The following CYP4F3 variants were observed in gnomAD, a reference collection of about 807,000 sequenced individuals.
The protein encoded by CYP4F3 is cytochrome P450 4F3.
A neutral mutation model predicts 54.8 loss-of-function variants in CYP4F3; 50 were observed. The observed-to-expected ratio is 0.91, with a 90% CI of 0.73 to 1.16. The LOEUF is 1.16. Ranked by LOEUF, CYP4F3 falls within the 50% of genes most tolerant of loss-of-function variation. The probability of loss-of-function intolerance (pLI) is 0.00; values close to 1 mark genes in which losing one functional copy is unlikely to be tolerated. For synonymous variants in CYP4F3, 244 were observed against 262.6 expected (o/e 0.93, Z 0.69); for missense variants, 715 against 676.2 (o/e 1.06, Z -0.64).
chr19:15,650,546 A>G (rs1370951822), intron 7 of CYP4F3, among the ~76,000 whole-genome samples: 1 of 151,976 alleles, frequency 6.6e-6, no homozygotes, highest in Admixed American at 6.5e-5. Flanking sequence ...GACTATGACT[A>G]TGTCTATGTC....
chr19:15,656,589 A>G (rs113820184), intron 9 of CYP4F3, among the ~76,000 whole-genome samples: 16 of 141,990 alleles, frequency 1.1e-4, no homozygotes, highest in African/African-American at 3.9e-4. Context: ...TCTATCATCT[A>G]TCTCTATTAT....
At chr19:15,644,156 T>C in intron 2 of CYP4F3, 2 of 1,316,060 alleles carry the variant, frequency 1.5e-6, no homozygotes, top group Non-Finnish European at 2.0e-6. Context: ...TGGTCTCTCC[T>C]TTCCTTCTCT....
chr19:15,654,530 C>T (rs1192723115), intron 9 of CYP4F3, among the ~76,000 whole-genome samples: 1 of 151,972 alleles, frequency 6.6e-6, no homozygotes, highest in African/African-American at 2.4e-5. Context: ...CTTATCCTTC[C>T]CTCCCCTCTG....
chr19:15,646,829 C>T (rs755441781), intron 3 of CYP4F3, among the ~76,000 whole-genome samples: 3 of 152,132 alleles, frequency 2.0e-5, no homozygotes, highest in Non-Finnish European at 2.9e-5. Context: ...ATAGCTCCTA[C>T]GTGCCATGTT....
chr19:15,642,254 A>G (rs1310770006), intron 2 of CYP4F3, among the ~76,000 whole-genome samples: 2 of 152,136 alleles, frequency 1.3e-5, no homozygotes, highest in Non-Finnish European at 2.9e-5. Flanking sequence ...GCTCATTGCA[A>G]ATGGCAGGAT....
At chr19:15,653,213 A>G (rs1972912195) in intron 9 of CYP4F3, among the ~76,000 whole-genome samples, 1 of 152,202 alleles carries the variant, frequency 6.6e-6, no homozygotes. Flanking sequence ...GCATGTGTTC[A>G]GCAAATGAAC....
intron 9 of CYP4F3, among the ~76,000 whole-genome samples, chr19:15,655,881 A>G (rs1035622924): frequency 1.3e-5 from 2 of 152,254 alleles, no homozygotes; most frequent in Non-Finnish European, 2.9e-5. Flanking sequence ...AATCAAGGTA[A>G]TGAACAAATC....
intron 6 of CYP4F3, 39 bp from the exon 7 acceptor site, chr19:15,649,874 T>C (rs1370026992): frequency 4.4e-6 from 7 of 1,605,358 alleles, no homozygotes; most frequent in South Asian, 1.1e-5. Flanking sequence ...GCTTCAGGTG[T>C]ATTAAATTGT....
intron 2 of CYP4F3, among the ~76,000 whole-genome samples, chr19:15,642,146 C>T (rs886500016): frequency 6.6e-6 from 1 of 152,208 alleles, no homozygotes; most frequent in Non-Finnish European, 1.5e-5. Flanking sequence ...TGGCCACTCA[C>T]TTCCCCTTTC....
chr19:15,641,305 C>T, intron 1 of CYP4F3, 110 bp from the exon 2 acceptor site: 1 of 1,354,140 alleles, frequency 7.4e-7, no homozygotes, highest in Non-Finnish European at 1.0e-6. Context: ...TTTACTCTTA[C>T]TGTTCTATCT....
intron 2 of CYP4F3, among the ~76,000 whole-genome samples, chr19:15,642,164 T>G (rs751272258): frequency 1.3e-5 from 2 of 152,182 alleles, no homozygotes; most frequent in Non-Finnish European, 2.9e-5. Context: ...TTCAGAAGCC[T>G]TCCCTGACCT....
intron 9 of CYP4F3, among the ~76,000 whole-genome samples, chr19:15,654,427 T>C (rs148310374): frequency 6.6e-6 from 1 of 152,372 alleles, no homozygotes; most frequent in Non-Finnish European, 1.5e-5. Context: ...GTACAGTACA[T>C]ATTGTAAACT....
chr19:15,643,398 A>G (rs1440664180), intron 2 of CYP4F3, among the ~76,000 whole-genome samples: 4 of 106,426 alleles, frequency 3.8e-5, no homozygotes, highest in African/African-American at 1.3e-4. Context: ...AGAGATATAT[A>G]TAGGTAAATA....
At chr19:15,643,405 A>ATAGATAGATAG (rs1972528949) in intron 2 of CYP4F3, among the ~76,000 whole-genome samples, 1 of 99,322 alleles carries the variant, frequency 1.0e-5, no homozygotes, top group Non-Finnish European at 2.1e-5. Flanking sequence ...TATATAGGTA[A>ATAGATAGATAG]ATAGATAGAT....
Position 15,659,371 on chromosome 19 carries a change from G to T in CYP4F3, c.1549G>T (p.Glu517Ter). The stretch of plus-strand genomic sequence containing the variant: ...AGAGGGCGGACTTTGGCTGCGGGTG[G>T]AGCCCCTGAGCTGAGTTCTGCAGAG... ...RAEGGLWLRV[E>*]PLS Residue 517 changes from glutamate (E) to a stop codon, truncating the protein, a stop_gained, in exon 13 of 13, where the codon GAG becomes TAG. Coordinates refer to ENST00000221307, the MANE Select transcript of CYP4F3 (RefSeq NM_000896.3). LOFTEE classifies it high-confidence loss of function. 6.2e-7 allele frequency: 1 copy of T among 1,611,418 alleles called. No individual in the cohort carries two copies. Among genetic ancestry groups the T allele is most frequent in the Non-Finnish European group, 8.5e-7 (1 of 1,178,850 alleles).
intron 5 of CYP4F3, 77 bp from the exon 6 acceptor site, chr19:15,649,083 C>T: frequency 1.3e-6 from 2 of 1,591,300 alleles, no homozygotes; most frequent in Non-Finnish European, 8.6e-7. Flanking sequence ...CTGGGGCGTG[C>T]ATATTGATTG....
At chr19:15,643,965 A>C in intron 2 of CYP4F3, 1 of 1,606,190 alleles carries the variant, frequency 6.2e-7, no homozygotes, top group Non-Finnish European at 8.5e-7. Flanking sequence ...ACCTACCCCC[A>C]GGGCTTTAAG....
At chr19:15,644,187 TTTCATGTA>T in intron 2 of CYP4F3, 1 of 1,143,194 alleles carries the variant, frequency 8.7e-7, no homozygotes, top group Middle Eastern at 2.1e-4. Flanking sequence ...TTCATCTTTC[TTTCATGTA>T]TTCACTAATT....
At chr19:15,656,327 A>T in intron 9 of CYP4F3, among the ~76,000 whole-genome samples, 1 of 152,128 alleles carries the variant, frequency 6.6e-6, no homozygotes. Context: ...ACAACATTAA[A>T]TTACAAAATG....
Sources: gnomAD v4.1 joint callset for allele counts (sites outside exome capture counted in the v4.1 genomes callset) on GRCh38, gnomAD v4.1.1 for gene constraint, MANE v1.5 for transcripts, NCBI Gene and HGNC (gene_info 2026-07-23, HGNC 2026-07-21) for gene names.